SNX24: variants seen among roughly 807,000 people sequenced by gnomAD.
SNX24 encodes sorting nexin-24.
SNX24 carries 22 observed loss-of-function variants against 28.7 expected under a neutral mutation model. The observed-to-expected ratio is 0.77, with a 90% CI of 0.55 to 1.10. SNX24 has a LOEUF of 1.10. Ranked by LOEUF, SNX24 falls within the 50% of genes least tolerant of loss-of-function variation. The probability of loss-of-function intolerance (pLI) is 0.00; values close to 1 mark genes in which losing one functional copy is unlikely to be tolerated. For missense variants in SNX24, 221 were observed against 201.1 expected (o/e 1.10, Z -0.60); for synonymous variants, 69 against 71.5 (o/e 0.96, Z 0.18).
At chr5:122,889,505 A>G (rs1756857314) in intron 1 of SNX24, among the ~76,000 whole-genome samples, 1 of 151,904 alleles carries the variant, frequency 6.6e-6, no homozygotes, top group Non-Finnish European at 1.5e-5. Flanking sequence ...CTCAACCAAT[A>G]CATATAATGC....
At chr5:122,946,014 G>GTTTT (rs574269067) in intron 2 of SNX24, 41 bp from the exon 3 acceptor site, 20 of 877,708 alleles carry the variant, frequency 2.3e-5, no homozygotes, top group South Asian at 1.4e-4. Flanking sequence ...AGACATCTCT[G>GTTTT]TTTTTTTTTT....
At chr5:122,942,543 A>G (rs1478705244) in intron 2 of SNX24, among the ~76,000 whole-genome samples, 63 of 152,220 alleles carry the variant, frequency 4.1e-4, no homozygotes, top group Admixed American at 4.1e-3. Flanking sequence ...GAAAATGGTT[A>G]CTATAACCAA....
chr5:122,988,655 T>C (rs1310603754), intron 3 of SNX24, among the ~76,000 whole-genome samples: 1 of 152,188 alleles, frequency 6.6e-6, no homozygotes, highest in Non-Finnish European at 1.5e-5. Context: ...AACAAAACAC[T>C]CCATTTCCAT....
At chr5:123,007,659 C>CTTTTTTTTTTTTTTTTTTTT (rs760607897) in intron 6 of SNX24, 23 bp from the exon 7 acceptor site, 10 of 1,153,116 alleles carry the variant, frequency 8.7e-6, no homozygotes, top group East Asian at 3.1e-5. Context: ...TTTTTTTTTT[C>CTTTTTTTTTTTTTTTTTTTT]TTTTTTTTTT....
chr5:122,986,555 A>C (rs1357560437), intron 3 of SNX24, among the ~76,000 whole-genome samples: 1 of 152,082 alleles, frequency 6.6e-6, no homozygotes, highest in Non-Finnish European at 1.5e-5. Flanking sequence ...GTGAGGTTAG[A>C]AGTGATTTAG....
At position 122,995,648 on chromosome 5, in the gene SNX24, A is replaced by G. The variant is rs144479133; in HGVS notation, c.250-4264A>G. Among the ~76,000 whole-genome samples, 108 of 152,224 alleles carry G rather than the reference A, an allele frequency of 7.1e-4. 3 individuals are homozygous for G. The East Asian group carries it at 0.019, about 27-fold the overall frequency. On this transcript the variant is annotated intron_variant, in intron 3 of 6. Coordinates refer to ENST00000261369, the MANE Select transcript of SNX24 (RefSeq NM_014035.4). ...GGTAATTAATTCTGCCTCTCACAGTATTTCACTCTGTGTGTATACCTGTAA... is the reference window on the plus strand; with the variant it reads ...GGTAATTAATTCTGCCTCTCACAGTGTTTCACTCTGTGTGTATACCTGTAA...
rs532682124 is a variant in SNX24, at chr5:122,917,808, C to T, written c.61-18926C>T. Among the ~76,000 whole-genome samples, 154 of 152,180 alleles carry T rather than the reference C, an allele frequency of 1.0e-3. 1 individual carries two copies. The highest frequency in any genetic ancestry group is 3.5e-3 in the African/African-American group (145 of 41,518). ...TATTTAAAATAATGCCGGCCGGGTG[C>T]GGTGGCTTACACCTGTAATCCCAGC... is the stretch of plus-strand genomic sequence containing the variant. On this transcript the variant is annotated intron_variant, in intron 1 of 6. Coordinates refer to ENST00000261369, the MANE Select transcript of SNX24 (RefSeq NM_014035.4).
At chr5:122,874,872 C>T (rs987679343) in intron 1 of SNX24, among the ~76,000 whole-genome samples, 8 of 152,158 alleles carry the variant, frequency 5.3e-5, no homozygotes, top group African/African-American at 1.7e-4. Context: ...TGCTTCATAA[C>T]CAATAGGAAT....
At chr5:122,892,235 C>T (rs1157434790) in intron 1 of SNX24, among the ~76,000 whole-genome samples, 1 of 152,042 alleles carries the variant, frequency 6.6e-6, no homozygotes, top group African/African-American at 2.4e-5. Context: ...CACACACATG[C>T]ACTGTGCACA....
chr5:122,998,348 G>A (rs1390417696), intron 3 of SNX24: 1 of 152,162 alleles, frequency 6.6e-6, no homozygotes, highest in Non-Finnish European at 1.5e-5. Flanking sequence ...GCAAGTTTAA[G>A]TTGTTGTTTA....
intron 1 of SNX24, among the ~76,000 whole-genome samples, chr5:122,883,085 A>T (rs1756552936): frequency 6.6e-6 from 1 of 152,068 alleles, no homozygotes; most frequent in Non-Finnish European, 1.5e-5. Flanking sequence ...GGCTAGGGAG[A>T]TTTGTTCAGA....
At chr5:122,963,754 CT>C (rs1437227185) in intron 3 of SNX24, among the ~76,000 whole-genome samples, 1 of 152,170 alleles carries the variant, frequency 6.6e-6, no homozygotes, top group East Asian at 1.9e-4. Context: ...CACTACAAGT[CT>C]ATTTCATAGT....
intron 1 of SNX24, among the ~76,000 whole-genome samples, chr5:122,920,892 CT>C (rs1238731398): frequency 1.3e-5 from 2 of 152,220 alleles, no homozygotes; most frequent in South Asian, 4.1e-4. Flanking sequence ...TAAACATTAA[CT>C]TTTTTTCTTT....
intron 1 of SNX24, among the ~76,000 whole-genome samples, chr5:122,887,798 A>T (rs552444712): frequency 7.2e-5 from 11 of 152,164 alleles, no homozygotes; most frequent in African/African-American, 2.4e-4. Context: ...TGCCTCCCGG[A>T]TTCAAGTGAT....
intron 1 of SNX24, among the ~76,000 whole-genome samples, chr5:122,918,035 G>A (rs1020061858): frequency 2.6e-5 from 4 of 152,080 alleles, no homozygotes; most frequent in Admixed American, 6.5e-5. Flanking sequence ...AGCTGAGATC[G>A]TGCCACTGCA....
intron 3 of SNX24, among the ~76,000 whole-genome samples, chr5:122,947,490 G>A (rs1759739402): frequency 6.6e-6 from 1 of 152,134 alleles, no homozygotes; most frequent in South Asian, 2.1e-4. Flanking sequence ...GAAGACATCT[G>A]AGGCAGGCTC....
At chr5:122,859,474 A>G (rs1315358068) in intron 1 of SNX24, among the ~76,000 whole-genome samples, 1 of 152,126 alleles carries the variant, frequency 6.6e-6, no homozygotes, top group East Asian at 1.9e-4. Context: ...GCATAGTGGT[A>G]TGTACCTATG....
At chr5:123,026,624 G>A (rs970957079) in intron 5 of SNX24, among the ~76,000 whole-genome samples, 2 of 152,200 alleles carry the variant, frequency 1.3e-5, no homozygotes, top group African/African-American at 4.8e-5. Context: ...AGCTGATCTG[G>A]AAGTTGTTGG....
intron 1 of SNX24, among the ~76,000 whole-genome samples, chr5:122,888,481 T>G (rs1175199693): frequency 6.6e-6 from 1 of 152,222 alleles, no homozygotes; most frequent in Non-Finnish European, 1.5e-5. Flanking sequence ...TATCTAAAAC[T>G]GTTATTTTGA....
Sources: allele counts gnomAD v4.1 joint callset (sites outside exome capture counted in the v4.1 genomes callset), GRCh38; gene constraint gnomAD v4.1.1; transcripts MANE v1.5; gene names NCBI Gene and HGNC (gene_info 2026-07-23, HGNC 2026-07-21).